The following CARS2 variants were observed in gnomAD, a reference collection of about 807,000 sequenced individuals.
The protein encoded by CARS2 is probable cysteine--tRNA ligase, mitochondrial.
CARS2 carries 52 observed loss-of-function variants against 68.8 expected under a neutral mutation model. The observed-to-expected ratio is 0.76, with a 90% CI of 0.61 to 0.95. The LOEUF (loss-of-function observed/expected upper bound fraction) is 0.95. Ranked by LOEUF, CARS2 falls within the 40% of genes least tolerant of loss-of-function variation. The pLI is 0.00. For synonymous variants in CARS2, 314 were observed against 303.6 expected (o/e 1.03, Z -0.36); for missense variants, 780 against 754.2 (o/e 1.03, Z -0.40).
At chr13:110,698,587 T>G (rs1335517605) in intron 3 of CARS2, among the ~76,000 whole-genome samples, 1 of 152,142 alleles carries the variant, frequency 6.6e-6, no homozygotes, top group Non-Finnish European at 1.5e-5. Context: ...TTTGAATGTT[T>G]GTCCCCTCCA....
At chr13:110,652,882 C>T (rs1325441513) in intron 9 of CARS2, among the ~76,000 whole-genome samples, 1 of 152,136 alleles carries the variant, frequency 6.6e-6, no homozygotes, top group Non-Finnish European at 1.5e-5. Context: ...ATGGGTATTT[C>T]CTTCGATGGT....
In CARS2 at chr13:110,705,914, C is replaced by G; in HGVS notation, c.180G>C (p.Gly60=). 2 of 1,575,862 alleles carry G rather than the reference C, an allele frequency of 1.3e-6. No homozygotes were observed. The highest frequency in any genetic ancestry group is 1.7e-6 in the Non-Finnish European group (2 of 1,162,972). The change falls in exon 1 of 15, where the codon GGG becomes GGC. Residue 60 remains glycine (G), a synonymous_variant. Coordinates refer to ENST00000257347, the MANE Select transcript of CARS2 (RefSeq NM_024537.4). This position sits in a 1 kb window ranked among gnomAD's most constrained non-coding sequence, Gnocchi z 4.0. The part of the protein sequence containing the change: ...TGVQVYNSLT[G]RKEPLIVAHA... The stretch of plus-strand genomic sequence containing the variant: ...GCGCCACGATTAGGGGTTCCTTCCT[C>G]CCGGTGAGGCTGTTGTACACCTGCA...
intron 3 of CARS2, among the ~76,000 whole-genome samples, chr13:110,690,056 G>A (rs929596251): frequency 5.9e-5 from 9 of 152,056 alleles, no homozygotes; most frequent in East Asian, 1.9e-4. Context: ...GTGAAACCCC[G>A]TTGCTACTGA....
At chr13:110,647,552 A>G (rs1168229525) in intron 10 of CARS2, among the ~76,000 whole-genome samples, 1 of 151,862 alleles carries the variant, frequency 6.6e-6, no homozygotes, top group Non-Finnish European at 1.5e-5. Context: ...GGCTCTGGAA[A>G]GAAGGAGCCC....
chr13:110,705,675 G>T lies in CARS2; in HGVS notation c.225-104C>A. 1 of 1,461,784 alleles carries T rather than the reference G, an allele frequency of 6.8e-7. No individual in the cohort carries two copies. Among genetic ancestry groups the T allele is most frequent in the South Asian group, 1.2e-5 (1 of 84,034 alleles). 90.6% of individuals were successfully genotyped at this position (1,461,784 alleles called of 1,614,324 possible). A position where few individuals can be genotyped will look rare whatever the true frequency, so the allele number is the denominator to read the frequency against. ...TAATTTTTAAAGTAATCACTTCTGG[G>T]GGATGAATAGCCGGGGTTTTCATAC... On this transcript the variant is annotated intron_variant, in intron 1 of 14. Transcript: ENST00000257347. The surrounding 1 kb of genome is among the most constrained non-coding windows in gnomAD (Gnocchi z 4.0).
At chr13:110,645,754 C>G in intron 12 of CARS2, 1 of 507,430 alleles carries the variant, frequency 2.0e-6, no homozygotes, top group Non-Finnish European at 3.4e-6. Context: ...AGCTTGTTCC[C>G]CAGGTGGCCC....
At chr13:110,710,680 T>A (rs1283131845), upstream of CARS2, among the ~76,000 whole-genome samples, 1 of 152,224 alleles carries the variant, frequency 6.6e-6, no homozygotes, top group African/African-American at 2.4e-5. Flanking sequence ...CTTGATCTTC[T>A]AAGTTTGTTC....
intron 3 of CARS2, among the ~76,000 whole-genome samples, chr13:110,695,834 T>C (rs1195709901): frequency 6.6e-6 from 1 of 152,066 alleles, no homozygotes; most frequent in African/African-American, 2.4e-5. Context: ...AAGTGCAGGT[T>C]TGTTACACAG....
intron 11 of CARS2, 103 bp downstream of exon 11, chr13:110,646,991 TGTCCAGC>T (rs1447509331): frequency 1.5e-6 from 2 of 1,317,568 alleles, no homozygotes; most frequent in East Asian, 5.1e-5. Context: ...CCAAACCTCC[TGTCCAGC>T]GCCCTGTCTC....
In CARS2 at chr13:110,665,025, C is replaced by T. The variant is rs2062610815; in HGVS notation, c.920-1507G>A. 2 of 985,456 alleles carry T rather than the reference C, an allele frequency of 2.0e-6. No individual in the cohort carries two copies. Among genetic ancestry groups the T allele is most frequent in the Non-Finnish European group, 2.4e-6 (2 of 829,932 alleles). 61.0% of individuals were successfully genotyped at this position (985,456 alleles called of 1,614,324 possible). A position where few individuals can be genotyped will look rare whatever the true frequency, so the allele number is the denominator to read the frequency against. The stretch of plus-strand genomic sequence containing the variant: ...TCTGCCCACTTAGCTCTTCCATCCA[C>T]TGGGTACAGGAGAACAGGTGTCACT... On this transcript the variant is annotated intron_variant, in intron 8 of 14. Coordinates refer to ENST00000257347, the MANE Select transcript of CARS2 (RefSeq NM_024537.4). The surrounding 1 kb of genome is among the most constrained non-coding windows in gnomAD (Gnocchi z 4.3).
At chr13:110,675,590 G>A (rs914134146) in intron 7 of CARS2, among the ~76,000 whole-genome samples, 1 of 152,090 alleles carries the variant, frequency 6.6e-6, no homozygotes, top group East Asian at 1.9e-4. Flanking sequence ...ATAGCATTAG[G>A]AGATATACCT....
chr13:110,664,264 T>C lies in CARS2; in HGVS notation c.920-746A>G, dbSNP rs2062587099. ...GCTCACACCCGTAATACCAGCCCTT[T>C]GGGAGGCTAAGGTGGAAGGACCGCT... On this transcript the variant is annotated intron_variant, in intron 8 of 14. Coordinates refer to ENST00000257347, the MANE Select transcript of CARS2 (RefSeq NM_024537.4). 3 of 927,314 alleles carry C rather than the reference T, an allele frequency of 3.2e-6. No individual in the cohort carries two copies. In the South Asian group the frequency reaches 1.5e-4, roughly 46 times the overall value. 57.4% of individuals were successfully genotyped at this position (927,314 alleles called of 1,614,324 possible). A position where few individuals can be genotyped will look rare whatever the true frequency, so the allele number is the denominator to read the frequency against.
rs746782275 is a variant in CARS2 at position 110,653,215 on chromosome 13, T to TTGTG, written c.988-2119_988-2116dup. ...GGCTGGGGTATGTGTGTGTGTGTGT[T>TTGTG]TGTGTGTGTGTGTGTGAAGAGCCCC... On this transcript the variant is annotated intron_variant, in intron 9 of 14. Coordinates refer to ENST00000257347, the MANE Select transcript of CARS2 (RefSeq NM_024537.4). The surrounding 1 kb of genome is among the most constrained non-coding windows in gnomAD (Gnocchi z 5.6). 5.1e-5 allele frequency among the ~76,000 whole-genome samples: 6 copies of TTGTG among 117,714 alleles called. No homozygotes were observed. Among genetic ancestry groups the TTGTG allele is most frequent in the Non-Finnish European group, 8.7e-5 (5 of 57,720 alleles). 77.2% of individuals were successfully genotyped at this position (117,714 alleles called of 152,430 possible).
chr13:110,664,578 T>G (rs2062596504), intron 8 of CARS2: 1 of 963,134 alleles, frequency 1.0e-6, no homozygotes, highest in African/African-American at 1.8e-5. Context: ...CCAAAAAACA[T>G]ATATAACTTT....
At chr13:110,712,952 G>C in intron 1 of CARS2, 1 of 1,560,234 alleles carries the variant, frequency 6.4e-7, no homozygotes, top group Middle Eastern at 1.7e-4. Flanking sequence ...TAGGCTGCTG[G>C]GAGTGGTGGT....
At chr13:110,660,290 A>G (rs1475583444) in intron 9 of CARS2, among the ~76,000 whole-genome samples, 5 of 152,196 alleles carry the variant, frequency 3.3e-5, no homozygotes, top group Non-Finnish European at 7.3e-5. Context: ...AAAGTCAACC[A>G]TGAGAGTTGG....
intron 9 of CARS2, among the ~76,000 whole-genome samples, chr13:110,656,671 T>A (rs574900471): frequency 1.3e-5 from 2 of 152,038 alleles, no homozygotes; most frequent in Non-Finnish European, 2.9e-5. Flanking sequence ...GATCACAAGG[T>A]CAGGAGATCA....
chr13:110,667,433 T>A lies in CARS2; in HGVS notation c.826A>T (p.Ile276Leu), dbSNP rs1000367388. The A allele has an allele frequency of 1.9e-6, 3 of 1,613,934 alleles. No homozygotes were observed. The highest frequency in any genetic ancestry group is 1.7e-5 in the Admixed American group (1 of 60,006). The change falls in exon 8 of 15, where the codon ATA (isoleucine) becomes TTA (leucine). Residue 276 changes from isoleucine (I) to leucine (L), a missense_variant. By Grantham distance (5) the Ile-to-Leu change is conservative. Coordinates refer to ENST00000257347, the MANE Select transcript of CARS2 (RefSeq NM_024537.4). ...TCATGATGTGGAAAAGCTAAATCTA[T>A]CCCACCTGAATGGATATCCAGTTGA... ...GSQLDIHSGG[I>L]DLAFPHHENE...
At chr13:110,706,932 A>G (rs1490552363), upstream of CARS2, among the ~76,000 whole-genome samples, 2 of 149,992 alleles carry the variant, frequency 1.3e-5, no homozygotes, top group Non-Finnish European at 3.0e-5. Context: ...ACCCCAATAC[A>G]CAGTATGCAC....
Sources: allele counts gnomAD v4.1 joint callset (sites outside exome capture counted in the v4.1 genomes callset), GRCh38; gene constraint gnomAD v4.1.1; non-coding constraint Gnocchi (gnomAD v3.1); transcripts MANE v1.5; gene names NCBI Gene and HGNC (gene_info 2026-07-23, HGNC 2026-07-21).